The following SLC24A1 variants were observed in gnomAD, a reference collection of about 807,000 sequenced individuals.
SLC24A1 encodes sodium/potassium/calcium exchanger 1.
A neutral mutation model predicts 88.1 loss-of-function variants in SLC24A1; 52 were observed. That is an observed-to-expected ratio of 0.59 (90% CI 0.47 to 0.74). SLC24A1 has a LOEUF of 0.74. Ranked by LOEUF, SLC24A1 falls within the 30% of genes least tolerant of loss-of-function variation. The pLI is 0.00. For synonymous variants in SLC24A1, 455 were observed against 498.0 expected (o/e 0.91, Z 1.15); for missense variants, 1,173 against 1,363.3 (o/e 0.86, Z 2.20).
At chr15:65,634,753 A>AAAAAAG (rs1235697548) in intron 2 of SLC24A1, among the ~76,000 whole-genome samples, 1 of 149,876 alleles carries the variant, frequency 6.7e-6, no homozygotes, top group Non-Finnish European at 1.5e-5. Context: ...AAAAAAAAAA[A>AAAAAAG]AAAAAGAAAA....
At chr15:65,629,585 G>C (rs959792593) in intron 2 of SLC24A1, among the ~76,000 whole-genome samples, 1 of 152,244 alleles carries the variant, frequency 6.6e-6, no homozygotes, top group Admixed American at 6.5e-5. Flanking sequence ...TGGTTTTGAA[G>C]CTCTCAGTGT....
chr15:65,624,621 CAAGT>C lies in SLC24A1; in HGVS notation c.542_545del (p.Gln181ArgfsTer5), dbSNP rs1566946461. On this transcript the variant is annotated frameshift_variant, in exon 2 of 10. Coordinates refer to ENST00000261892, the MANE Select transcript of SLC24A1 (RefSeq NM_004727.3). LOFTEE classifies it high-confidence loss of function. ...AGAAATGAAGAGCTACAGCCCAACT[CAAGT>C]GAGGGAAAAGGTGAAGTATACTCCT... 1 of 1,593,856 alleles carries C rather than the reference CAAGT, an allele frequency of 6.3e-7. No individual in the cohort carries two copies. The highest frequency in any genetic ancestry group is 8.5e-7 in the Non-Finnish European group (1 of 1,170,236).
chr15:65,615,080 G>A (rs962482200), intron 2 of SLC24A1, among the ~76,000 whole-genome samples: 1 of 152,110 alleles, frequency 6.6e-6, no homozygotes, highest in Non-Finnish European at 1.5e-5. Flanking sequence ...AGGTGTGGTG[G>A]TGTGCACCTG....
chr15:65,634,740 CAAAAAAAAA>C (rs5813364), intron 2 of SLC24A1, among the ~76,000 whole-genome samples: 2 of 90,538 alleles, frequency 2.2e-5, no homozygotes, highest in Admixed American at 1.2e-4. Context: ...TCAAAAGCAC[CAAAAAAAAA>C]AAAAAAAAAG....
rs1397020388 is a variant in SLC24A1, at chr15:65,624,075, G to A, written c.-6G>A. On this transcript the variant is annotated 5_prime_UTR_variant, in exon 2 of 10. It introduces an in-frame stop codon into an upstream open reading frame of the 5' UTR. Transcript: ENST00000261892. The stretch of plus-strand genomic sequence containing the variant: ...GGCCTTCTGTAACCAGATATAACTG[G>A]CCAGCATGGGGAAATTGATCAGGAT... The A allele has an allele frequency of 1.9e-6, 3 of 1,571,136 alleles. No individual in the cohort carries two copies. The highest frequency in any genetic ancestry group is 2.7e-5 in the African/African-American group (2 of 73,226).
intron 4 of SLC24A1, 92 bp downstream of exon 4, chr15:65,639,795 G>A: frequency 1.2e-6 from 1 of 820,316 alleles, no homozygotes; most frequent in Non-Finnish European, 2.1e-6. Context: ...AAATCCTAGA[G>A]GCAGTGAGGA....
chr15:65,622,333 T>C (rs1268836541), intron 1 of SLC24A1, among the ~76,000 whole-genome samples: 1 of 152,208 alleles, frequency 6.6e-6, no homozygotes, highest in Non-Finnish European at 1.5e-5. Flanking sequence ...TCCTTTTGCT[T>C]GTCCCTCTCT....
rs964395299 is a variant in SLC24A1 at position 65,655,044 on chromosome 15, T to G, written c.*965T>G. The G allele has an allele frequency of 6.7e-6, 7 of 1,042,000 alleles. No individual in the cohort carries two copies. In the African/African-American group the frequency reaches 1.2e-4, roughly 18 times the overall value. The allele number at this position is 1,042,000 out of a possible 1,614,324, so 64.5% of individuals were successfully genotyped here. On this transcript the variant is annotated 3_prime_UTR_variant, in exon 10 of 10. Coordinates refer to ENST00000261892, the MANE Select transcript of SLC24A1 (RefSeq NM_004727.3). ...GGAATGGAGATTAGGGAAGGAAAACTACTCTAGAGGCCATTTAAAAGTATG... is the reference window on the plus strand; with the variant it reads ...GGAATGGAGATTAGGGAAGGAAAACGACTCTAGAGGCCATTTAAAAGTATG...
chr15:65,657,477 T>TA (rs1239125285), downstream of SLC24A1, among the ~76,000 whole-genome samples: 3 of 151,386 alleles, frequency 2.0e-5, no homozygotes, highest in African/African-American at 4.9e-5. Flanking sequence ...CCGTCTCTAC[T>TA]AAAAAAATAC....
intron 8 of SLC24A1, chr15:65,652,230 T>C: frequency 3.3e-6 from 1 of 298,976 alleles, no homozygotes; most frequent in Non-Finnish European, 6.4e-6. Context: ...GTCTATGTCA[T>C]CCTGCTCATA....
chr15:65,636,359 T>A (rs1475247072), intron 2 of SLC24A1, among the ~76,000 whole-genome samples: 1 of 152,058 alleles, frequency 6.6e-6, no homozygotes, highest in East Asian at 1.9e-4. Flanking sequence ...CAGAGGTGGG[T>A]GAGTCACTTG....
rs758872642 is a variant in SLC24A1 at position 65,650,676 on chromosome 15, AATG to A, written c.2532_2534del (p.Asp844del). ...TGCTGAAAATCACGGTGAAGCCAAA[AATG>A]ATGAGAAAGGTGTAGAAGATGGAGG... is the stretch of plus-strand genomic sequence containing the variant. On this transcript the variant is annotated inframe_deletion, in exon 7 of 10. Transcript: ENST00000261892. The surrounding 1 kb of genome is among the most constrained non-coding windows in gnomAD (Gnocchi z 4.1). 5.2e-6 allele frequency: 8 copies of A among 1,547,150 alleles called. No homozygotes were observed. The East Asian group carries it at 2.0e-4, about 38-fold the overall frequency.
intron 2 of SLC24A1, among the ~76,000 whole-genome samples, chr15:65,612,861 T>G (rs1479227793): frequency 1.3e-5 from 2 of 152,200 alleles, no homozygotes; most frequent in Non-Finnish European, 2.9e-5. Flanking sequence ...CTAGTTCTTC[T>G]GAATAACAGG....
At chr15:65,619,607 T>C (rs2074256264), upstream of SLC24A1, among the ~76,000 whole-genome samples, 1 of 151,764 alleles carries the variant, frequency 6.6e-6, no homozygotes, top group Non-Finnish European at 1.5e-5. Context: ...ACTGTACAAC[T>C]GTAGAGTCAG....
chr15:65,651,057 A>C lies in SLC24A1; in HGVS notation c.2793+115A>C, dbSNP rs761379326. 649 of 845,956 alleles carry C rather than the reference A, an allele frequency of 7.7e-4. 1 individual carries two copies. The highest frequency in any genetic ancestry group is 1.1e-3 in the Non-Finnish European group (570 of 507,828). The allele number at this position is 845,956 out of a possible 1,614,324, so 52.4% of individuals were successfully genotyped here. A position where few individuals can be genotyped will look rare whatever the true frequency, so the allele number is the denominator to read the frequency against. Reference sequence around the variant, plus strand: ...AGAGGCCAGGGACAACCAGCTTATCAGGGCTCCACCATTGAGATCTGGGAA... The same window carrying C: ...AGAGGCCAGGGACAACCAGCTTATCCGGGCTCCACCATTGAGATCTGGGAA... On this transcript the variant is annotated intron_variant, in intron 7 of 9. Coordinates refer to ENST00000261892, the MANE Select transcript of SLC24A1 (RefSeq NM_004727.3).
At chr15:65,638,817 G>A (rs981792879) in intron 3 of SLC24A1, among the ~76,000 whole-genome samples, 6 of 152,184 alleles carry the variant, frequency 3.9e-5, no homozygotes, top group African/African-American at 1.4e-4. Context: ...TGAGGGGGAA[G>A]AAAGGAGGGA....
intron 2 of SLC24A1, among the ~76,000 whole-genome samples, chr15:65,616,737 C>T (rs561317553): frequency 3.9e-5 from 6 of 152,034 alleles, no homozygotes; most frequent in Non-Finnish European, 7.4e-5. Context: ...TAATTAGATC[C>T]CATTTGTCTA....
At chr15:65,622,899 G>A (rs897234759) in intron 1 of SLC24A1, among the ~76,000 whole-genome samples, 2 of 151,880 alleles carry the variant, frequency 1.3e-5, no homozygotes, top group Non-Finnish European at 2.9e-5. Context: ...GCACCACCAC[G>A]CCTGGCTAAC....
At position 65,650,613 on chromosome 15, in the gene SLC24A1, A is replaced by G. The variant is rs1348251323; in HGVS notation, c.2464A>G (p.Lys822Glu). Reference protein sequence around the residue: ...GEIHAEDGEMKGNEGETESQE... With the variant: ...GEIHAEDGEMEGNEGETESQE... ...AATCCACGCAGAAGATGGTGAAATG[A>G]AAGGTAATGAAGGTGAAACTGAAAG... Residue 822 changes from lysine to glutamate, a missense_variant, in exon 7 of 10, where the codon AAA becomes GAA. Coordinates refer to ENST00000261892, the MANE Select transcript of SLC24A1 (RefSeq NM_004727.3). The surrounding 1 kb of genome is among the most constrained non-coding windows in gnomAD (Gnocchi z 4.1). 6.4e-7 allele frequency: 1 copy of G among 1,551,826 alleles called. No homozygotes were observed. The highest frequency in any genetic ancestry group is 2.0e-5 in the Admixed American group (1 of 50,972).
Sources: allele counts gnomAD v4.1 joint callset (sites outside exome capture counted in the v4.1 genomes callset), GRCh38; gene constraint gnomAD v4.1.1; non-coding constraint Gnocchi (gnomAD v3.1); transcripts MANE v1.5; gene names NCBI Gene and HGNC (gene_info 2026-07-23, HGNC 2026-07-21).